The following PID1 variants were observed in gnomAD, a reference collection of about 807,000 sequenced individuals.
PID1 encodes PTB-containing, cubilin and LRP1-interacting protein.
Under a neutral mutation model 19.1 loss-of-function variants are expected in PID1, and 10 were observed. The ratio of observed to expected loss-of-function variants is 0.52; its 90% CI spans 0.32 to 0.89. PID1 has a LOEUF of 0.89. PID1 is among the 40% of genes least tolerant of loss of function. The probability of loss-of-function intolerance (pLI) is 0.03; values close to 1 mark genes in which losing one functional copy is unlikely to be tolerated. For synonymous variants in PID1, 130 were observed against 116.0 expected, an observed-to-expected ratio of 1.12 and a Z score of -0.78; for missense variants, 248 against 285.3, an observed-to-expected ratio of 0.87 and a Z score of 0.94.
intron 1 of PID1, among the ~76,000 whole-genome samples, chr2:229,222,864 A>ACACACACAC (rs1692001591): frequency 9.6e-6 from 1 of 103,904 alleles, no homozygotes; most frequent in African/African-American, 4.4e-5. Flanking sequence ...TTCACACACA[A>ACACACACAC]ACACACACAC....
At chr2:229,155,188 A>C (rs1690339766) in intron 2 of PID1, among the ~76,000 whole-genome samples, 1 of 152,208 alleles carries the variant, frequency 6.6e-6, no homozygotes, top group Admixed American at 6.5e-5. Context: ...TATCATTAAG[A>C]ACAAAACTTT....
intron 1 of PID1, among the ~76,000 whole-genome samples, chr2:229,251,253 T>A (rs1690141683): frequency 1.4e-5 from 2 of 142,300 alleles, no homozygotes; most frequent in Admixed American, 7.4e-5. Flanking sequence ...GAAAAGTAAT[T>A]GAAATATTTG....
At chr2:229,261,539 ATC>A in intron 1 of PID1, among the ~76,000 whole-genome samples, 1 of 152,314 alleles carries the variant, frequency 6.6e-6, no homozygotes, top group East Asian at 1.9e-4. Context: ...CAGTGGGTGA[ATC>A]TGTGAATTTA....
intron 2 of PID1, among the ~76,000 whole-genome samples, chr2:229,042,098 T>C (rs1024198729): frequency 6.6e-6 from 1 of 152,158 alleles, no homozygotes; most frequent in Non-Finnish European, 1.5e-5. Flanking sequence ...CTAGAAACCA[T>C]ACTCTGAAGT....
intron 2 of PID1, among the ~76,000 whole-genome samples, chr2:229,042,846 C>A (rs556975834): frequency 6.6e-6 from 1 of 152,026 alleles, no homozygotes; most frequent in Admixed American, 6.5e-5. Flanking sequence ...AATACTGTGA[C>A]AATTTGACAA....
chr2:229,144,956 G>A (rs183439010), intron 2 of PID1, among the ~76,000 whole-genome samples: 24 of 151,774 alleles, frequency 1.6e-4, no homozygotes, highest in Non-Finnish European at 2.5e-4. Context: ...TACACTCACC[G>A]TCTATCTTGT....
At chr2:229,175,112 C>T (rs886587710) in intron 1 of PID1, among the ~76,000 whole-genome samples, 2 of 152,206 alleles carry the variant, frequency 1.3e-5, no homozygotes, top group Admixed American at 1.3e-4. Context: ...TTCCTGCTGG[C>T]CCACATAGCC....
At chr2:229,172,713 A>G (rs1430813349) in intron 1 of PID1, among the ~76,000 whole-genome samples, 1 of 152,064 alleles carries the variant, frequency 6.6e-6, no homozygotes, top group Admixed American at 6.5e-5. Context: ...GGACTTCAAC[A>G]TAATATTTTG....
chr2:229,175,703 G>A (rs1690806700), intron 1 of PID1, among the ~76,000 whole-genome samples: 1 of 152,208 alleles, frequency 6.6e-6, no homozygotes. Flanking sequence ...GGATGGGGGA[G>A]AGAAGAAAAT....
At chr2:229,067,364 T>C (rs1050839958) in intron 2 of PID1, among the ~76,000 whole-genome samples, 3 of 152,136 alleles carry the variant, frequency 2.0e-5, no homozygotes, top group Admixed American at 1.3e-4. Context: ...ACAAGAATGA[T>C]AAGCTTATGA....
chr2:229,178,675 T>C (rs965206875), intron 1 of PID1, among the ~76,000 whole-genome samples: 7 of 152,304 alleles, frequency 4.6e-5, no homozygotes, highest in African/African-American at 1.7e-4. Context: ...ATATATTTTA[T>C]TATTTATAAA....
chr2:229,151,613 C>G (rs1173572735), intron 2 of PID1, among the ~76,000 whole-genome samples: 5 of 151,564 alleles, frequency 3.3e-5, no homozygotes, highest in Non-Finnish European at 7.4e-5. Context: ...CTCTGTCACC[C>G]AGGCTGGAGT....
intron 2 of PID1, among the ~76,000 whole-genome samples, chr2:229,107,570 T>C (rs1438166481): frequency 6.7e-6 from 1 of 149,960 alleles, no homozygotes; most frequent in Non-Finnish European, 1.5e-5. Flanking sequence ...TTATGTCACA[T>C]AAACTTGCCT....
intron 1 of PID1, among the ~76,000 whole-genome samples, chr2:229,233,104 G>A (rs901302136): frequency 2.0e-5 from 3 of 151,912 alleles, no homozygotes; most frequent in Admixed American, 2.0e-4. Context: ...AGAAGGCAGC[G>A]GATGTTTTCA....
intron 1 of PID1, among the ~76,000 whole-genome samples, chr2:229,261,244 C>T (rs1478681427): frequency 6.6e-6 from 1 of 152,126 alleles, no homozygotes; most frequent in Non-Finnish European, 1.5e-5. Context: ...TCCAGAACTG[C>T]GGGACAACCC....
intron 1 of PID1, among the ~76,000 whole-genome samples, chr2:229,257,427 T>A (rs1690331738): frequency 6.6e-6 from 1 of 152,160 alleles, no homozygotes; most frequent in African/African-American, 2.4e-5. Flanking sequence ...CCACGTGATG[T>A]CCCTCACTTC....
intron 1 of PID1, among the ~76,000 whole-genome samples, chr2:229,213,455 G>C (rs1691781141): frequency 6.6e-6 from 1 of 152,178 alleles, no homozygotes; most frequent in African/African-American, 2.4e-5. Flanking sequence ...GAGTATATGA[G>C]TCAAATACAA....
intron 1 of PID1, among the ~76,000 whole-genome samples, chr2:229,268,694 G>A (rs1270068028): frequency 9.2e-5 from 14 of 152,166 alleles, no homozygotes. Flanking sequence ...TTAAAGAGCA[G>A]AACTCATTCT....
chr2:229,170,298 T>C (rs12694800), intron 1 of PID1, among the ~76,000 whole-genome samples: 51,610 of 151,980 alleles, frequency 0.34, 9,811 homozygotes, highest in Admixed American at 0.52. Flanking sequence ...TTTACAAGGA[T>C]GTTGTTATTT....
Sources: allele counts gnomAD v4.1 joint callset (sites outside exome capture counted in the v4.1 genomes callset), GRCh38; gene constraint gnomAD v4.1.1; transcripts MANE v1.5; gene names NCBI Gene and HGNC (gene_info 2026-07-23, HGNC 2026-07-21).